MAGI2: variants seen among roughly 807,000 people sequenced by gnomAD.
MAGI2 encodes membrane associated guanylate kinase, WW and PDZ domain containing 2.
MAGI2 carries 35 observed loss-of-function variants against 133.3 expected under a neutral mutation model. The observed-to-expected ratio is 0.26, with a 90% CI of 0.20 to 0.35. The LOEUF (loss-of-function observed/expected upper bound fraction) is 0.35. Ranked by LOEUF, MAGI2 falls within the 10% of genes least tolerant of loss-of-function variation. The pLI, the probability that MAGI2 is intolerant of heterozygous loss-of-function variation, is 1.00. For synonymous variants in MAGI2, 729 were observed against 710.6 expected, an observed-to-expected ratio of 1.03 and a Z score of -0.41; for missense variants, 1,636 against 1,863.4, an observed-to-expected ratio of 0.88 and a Z score of 2.25.
chr7:79,329,600 T>C (rs370644452), intron 1 of MAGI2, among the ~76,000 whole-genome samples: 234 of 152,304 alleles, frequency 1.5e-3, no homozygotes, highest in African/African-American at 5.4e-3. Flanking sequence ...ACATATAGAA[T>C]CAGTGTCAGT....
At chr7:78,319,168 T>C (rs1162390233) in intron 9 of MAGI2, among the ~76,000 whole-genome samples, 2 of 152,166 alleles carry the variant, frequency 1.3e-5, no homozygotes, top group Non-Finnish European at 2.9e-5. Flanking sequence ...AGACACAGAC[T>C]GGCAAATTCG....
chr7:79,156,554 C>T (rs1180357767), intron 1 of MAGI2, among the ~76,000 whole-genome samples: 3 of 152,110 alleles, frequency 2.0e-5, no homozygotes, highest in African/African-American at 4.8e-5. Context: ...TAGACAAACT[C>T]AACCAATTGT....
At chr7:79,301,532 A>G (rs1388572074) in intron 1 of MAGI2, among the ~76,000 whole-genome samples, 1 of 152,172 alleles carries the variant, frequency 6.6e-6, no homozygotes, top group Non-Finnish European at 1.5e-5. Flanking sequence ...CTGTACTCCC[A>G]TTGTATCTTG....
chr7:79,435,245 T>C (rs1271961778), intron 1 of MAGI2, among the ~76,000 whole-genome samples: 2 of 152,244 alleles, frequency 1.3e-5, no homozygotes, highest in Non-Finnish European at 2.9e-5. Context: ...AGAGAACTTT[T>C]GACATTTATT....
chr7:78,977,846 G>A (rs1338959106), intron 2 of MAGI2, among the ~76,000 whole-genome samples: 1 of 151,646 alleles, frequency 6.6e-6, no homozygotes, highest in Admixed American at 6.6e-5. Flanking sequence ...ACAACAATAA[G>A]AGAGCATGCA....
At chr7:79,001,640 A>G (rs1460000619) in intron 2 of MAGI2, among the ~76,000 whole-genome samples, 2 of 152,208 alleles carry the variant, frequency 1.3e-5, no homozygotes, top group African/African-American at 4.8e-5. Context: ...AGAGTCAAAT[A>G]TATGCAATCA....
chr7:79,243,173 T>TA (rs1832554819), intron 1 of MAGI2, among the ~76,000 whole-genome samples: 1 of 152,058 alleles, frequency 6.6e-6, no homozygotes, highest in African/African-American at 2.4e-5. Context: ...GATAAAATAT[T>TA]ACAGTGTTCT....
chr7:79,349,053 C>A (rs1473155026), intron 1 of MAGI2, among the ~76,000 whole-genome samples: 1 of 151,896 alleles, frequency 6.6e-6, no homozygotes, highest in South Asian at 2.1e-4. Context: ...ATTTTTCATT[C>A]ACTTTCTATG....
At chr7:78,841,196 T>A (rs1454894317) in intron 2 of MAGI2, among the ~76,000 whole-genome samples, 1 of 152,048 alleles carries the variant, frequency 6.6e-6, no homozygotes, top group African/African-American at 2.4e-5. Flanking sequence ...ACTGAAGTAC[T>A]ATAGCTGAAA....
intron 6 of MAGI2, among the ~76,000 whole-genome samples, chr7:78,460,393 G>T (rs1402570462): frequency 1.3e-5 from 2 of 152,208 alleles, no homozygotes; most frequent in Non-Finnish European, 2.9e-5. Flanking sequence ...TGTTCTAAGT[G>T]TCAAACTGAT....
chr7:78,627,011 C>T, intron 3 of MAGI2, 109 bp downstream of exon 3: 1 of 1,133,484 alleles, frequency 8.8e-7, no homozygotes, highest in Admixed American at 3.1e-5. Flanking sequence ...CTTATTAAAG[C>T]TCTCAAACCC....
At chr7:79,389,341 C>T (rs1416856504) in intron 1 of MAGI2, among the ~76,000 whole-genome samples, 7 of 151,854 alleles carry the variant, frequency 4.6e-5, no homozygotes, top group African/African-American at 1.7e-4. Flanking sequence ...AGCTAAATTG[C>T]AAAATTCCTA....
At chr7:78,299,691 C>G (rs992181581) in intron 9 of MAGI2, among the ~76,000 whole-genome samples, 1 of 152,074 alleles carries the variant, frequency 6.6e-6, no homozygotes, top group Non-Finnish European at 1.5e-5. Flanking sequence ...CTGCACAGAT[C>G]ATTCCATCAC....
intron 2 of MAGI2, among the ~76,000 whole-genome samples, chr7:78,666,600 T>A (rs1010331910): frequency 6.6e-6 from 1 of 152,196 alleles, no homozygotes; most frequent in African/African-American, 2.4e-5. Flanking sequence ...GCAAAAGCTC[T>A]CATCTTCAGC....
intron 1 of MAGI2, among the ~76,000 whole-genome samples, chr7:79,312,426 C>A (rs1230716081): frequency 6.6e-6 from 1 of 152,124 alleles, no homozygotes; most frequent in African/African-American, 2.4e-5. Flanking sequence ...CCCTGGGAAC[C>A]TTTATTACTT....
intron 2 of MAGI2, among the ~76,000 whole-genome samples, chr7:78,742,393 T>G (rs1188817085): frequency 1.3e-5 from 2 of 152,304 alleles, no homozygotes; most frequent in African/African-American, 2.4e-5. Context: ...TAAGGGTCAA[T>G]GGCTAAGCAT....
At chr7:78,102,808 GATAATAC>G (rs1818317367) in intron 20 of MAGI2, among the ~76,000 whole-genome samples, 2 of 152,222 alleles carry the variant, frequency 1.3e-5, no homozygotes, top group African/African-American at 4.8e-5. Flanking sequence ...AAAGGCAATA[GATAATAC>G]ATAAGAGCAG....
intron 1 of MAGI2, among the ~76,000 whole-genome samples, chr7:79,303,751 T>C (rs1202828925): frequency 2.6e-5 from 4 of 152,194 alleles, no homozygotes; most frequent in African/African-American, 9.6e-5. Flanking sequence ...GGTTAATATG[T>C]CACATCATGA....
chr7:78,796,360 A>AT lies in MAGI2; in HGVS notation c.419-169122dup, dbSNP rs1427843079. On this transcript the variant is annotated intron_variant, in intron 2 of 21. Coordinates refer to ENST00000354212, the MANE Select transcript of MAGI2 (RefSeq NM_012301.4). ...GACATTTCTCAAAAGAGACATACAA[A>AT]TGGCCAACAGGTATATGAATAAAAG... Among the ~76,000 whole-genome samples, 23 of 152,130 alleles carry AT rather than the reference A, an allele frequency of 1.5e-4. 1 individual carries two copies. Among genetic ancestry groups the AT allele is most frequent in the African/African-American group, 5.3e-4 (22 of 41,454 alleles).
Sources: gnomAD v4.1 joint callset for allele counts (sites outside exome capture counted in the v4.1 genomes callset) on GRCh38, gnomAD v4.1.1 for gene constraint, MANE v1.5 for transcripts, NCBI Gene and HGNC (gene_info 2026-07-23, HGNC 2026-07-21) for gene names.